Variants in TOP2B observed in about 807,000 individuals in gnomAD.
TOP2B encodes the protein DNA topoisomerase II beta.
A neutral mutation model predicts 193.5 loss-of-function variants in TOP2B; 51 were observed. That is an observed-to-expected ratio of 0.26 (90% CI 0.21 to 0.33). The LOEUF (loss-of-function observed/expected upper bound fraction) is 0.33. Ranked by LOEUF, TOP2B falls within the 10% of genes least tolerant of loss-of-function variation. TOP2B has a pLI of 1.00. For missense variants in TOP2B, 1,378 were observed against 1,909.3 expected, an observed-to-expected ratio of 0.72 and a Z score of 5.19; for synonymous variants, 634 against 635.7, an observed-to-expected ratio of 1.00 and a Z score of 0.04.
At position 25,606,072 on chromosome 3, in the gene TOP2B, A is replaced by G; in HGVS notation, c.4349T>C (p.Phe1450Ser). 1 of 1,507,554 alleles carries G rather than the reference A, an allele frequency of 6.6e-7. No homozygotes were observed. Among genetic ancestry groups the G allele is most frequent in the South Asian group, 1.3e-5 (1 of 76,636 alleles). The allele number at this position is 1,507,554 out of a possible 1,614,324, so 93.4% of individuals were successfully genotyped here. A position where few individuals can be genotyped will look rare whatever the true frequency, so the allele number is the denominator to read the frequency against. Residue 1450 changes from phenylalanine to serine, a missense_variant, in exon 32 of 36, where the codon TTT (phenylalanine) becomes TCT (serine). This residue lies in a region of TOP2B where 556 missense variants were observed against 584.2 expected (regional missense o/e 0.95). Coordinates refer to ENST00000264331, the MANE Select transcript of TOP2B (RefSeq NM_001330700.2). ...KSQDFGNLFS[F>S]PSYSQKSEDD... The stretch of plus-strand genomic sequence containing the variant: ...TTCTGACTTCTGAGAATATGAAGGA[A>G]ATGAGAAGAGATTTCCAAAATCCTG...
chr3:25,623,113 T>C (rs925876518), intron 21 of TOP2B, among the ~76,000 whole-genome samples: 4 of 152,200 alleles, frequency 2.6e-5, no homozygotes, highest in Admixed American at 6.5e-5. Flanking sequence ...AGGTAGTTTG[T>C]TTTCTGTCTT....
At chr3:25,648,768 G>T (rs963007341) in intron 1 of TOP2B, among the ~76,000 whole-genome samples, 2 of 152,130 alleles carry the variant, frequency 1.3e-5, no homozygotes, top group Admixed American at 1.3e-4. Flanking sequence ...AGGCTGAGAC[G>T]GGAGGATTGC....
intron 12 of TOP2B, 32 bp from the exon 13 acceptor site, chr3:25,630,186 T>C (rs751362553): frequency 7.2e-6 from 11 of 1,530,172 alleles, no homozygotes; most frequent in African/African-American, 1.4e-5. Context: ...TGAGAGTAGT[T>C]TGAAGTGTTG....
chr3:25,638,178 C>CTCA lies in TOP2B; in HGVS notation c.525_527dup (p.Asp175dup), dbSNP rs1559503948. 1 of 1,567,396 alleles carries CTCA rather than the reference C, an allele frequency of 6.4e-7. No homozygotes were observed. The highest frequency in any genetic ancestry group is 1.4e-5 in the African/African-American group (1 of 73,730). On this transcript the variant is annotated inframe_insertion, in exon 5 of 36. Transcript: ENST00000264331. The stretch of plus-strand genomic sequence containing the variant: ...TTCAGACTTTACCTGTAACTTTTTT[C>CTCA]TCATCATCATCATAGTTACTGGATG...
intron 1 of TOP2B, among the ~76,000 whole-genome samples, chr3:25,660,711 G>A (rs1703884783): frequency 2.0e-5 from 3 of 152,090 alleles, no homozygotes; most frequent in East Asian, 1.9e-4. Context: ...ATTTAGACTC[G>A]CAACAGTAAA....
In TOP2B at chr3:25,650,061, T is replaced by C. The variant is rs111817675; in HGVS notation, c.70-4591A>G. Among the ~76,000 whole-genome samples the C allele has an allele frequency of 4.5e-3, 681 of 152,192 alleles. 4 individuals are homozygous for C. Among genetic ancestry groups the C allele is most frequent in the African/African-American group, 0.016 (649 of 41,534 alleles). On this transcript the variant is annotated intron_variant, in intron 1 of 35. Transcript: ENST00000264331. ...TAGGTGCCTTTTAAAGATTTAAGAT[T>C]AGTAAACAAAAAAAGTCAGAAGGAG... is the stretch of plus-strand genomic sequence containing the variant.
chr3:25,664,818 A>T lies in TOP2B; in HGVS notation c.-521T>A. 1.1e-6 allele frequency: 1 copy of T among 928,658 alleles called. No homozygotes were observed. The highest frequency in any genetic ancestry group is 4.9e-5 in the South Asian group (1 of 20,572). 57.5% of individuals were successfully genotyped at this position (928,658 alleles called of 1,614,324 possible). A position where few individuals can be genotyped will look rare whatever the true frequency, so the allele number is the denominator to read the frequency against. On this transcript the variant is annotated 5_prime_UTR_variant, in exon 1 of 36. The change abolishes the stop of an existing upstream ORF in the 5' untranslated region. Coordinates refer to ENST00000264331, the MANE Select transcript of TOP2B (RefSeq NM_001330700.2). The stretch of plus-strand genomic sequence containing the variant: ...GCCTCGCTGCAGCCCCGATTTCCTC[A>T]CACACACACACCGAGAGGGACAATA...
chr3:25,656,515 G>A (rs1008785606), intron 1 of TOP2B, among the ~76,000 whole-genome samples: 5 of 152,034 alleles, frequency 3.3e-5, no homozygotes, highest in African/African-American at 1.2e-4. Context: ...GTTTCAATGA[G>A]TAAATAAGTC....
At chr3:25,640,752 CTTTTTTTTTT>C (rs372465937) in intron 4 of TOP2B, among the ~76,000 whole-genome samples, 3 of 106,994 alleles carry the variant, frequency 2.8e-5, no homozygotes, top group Non-Finnish European at 5.8e-5. Context: ...TCTTCGTTGT[CTTTTTTTTTT>C]TTTTTTTTTT....
chr3:25,649,122 G>C (rs1703506994), intron 1 of TOP2B, among the ~76,000 whole-genome samples: 1 of 152,210 alleles, frequency 6.6e-6, no homozygotes, highest in South Asian at 2.1e-4. Context: ...GGATGTAACA[G>C]TAGACTTGAG....
At chr3:25,626,124 A>T (rs1702795952) in intron 18 of TOP2B, among the ~76,000 whole-genome samples, 1 of 152,148 alleles carries the variant, frequency 6.6e-6, no homozygotes, top group Admixed American at 6.5e-5. Context: ...TAGTTTCTAA[A>T]TTTTTTTCAA....
intron 7 of TOP2B, among the ~76,000 whole-genome samples, chr3:25,634,330 GA>G (rs1485085395): frequency 6.6e-6 from 1 of 151,926 alleles, no homozygotes; most frequent in African/African-American, 2.4e-5. Flanking sequence ...GAACTAGCAG[GA>G]AAAAAAGCTT....
intron 33 of TOP2B, among the ~76,000 whole-genome samples, chr3:25,601,442 A>C (rs527657653): frequency 6.6e-6 from 1 of 152,226 alleles, no homozygotes; most frequent in South Asian, 2.1e-4. Context: ...AATACGGTAA[A>C]ACCCCATCTC....
chr3:25,657,004 A>G (rs887676290), intron 1 of TOP2B, among the ~76,000 whole-genome samples: 1 of 152,224 alleles, frequency 6.6e-6, no homozygotes, highest in African/African-American at 2.4e-5. Context: ...CAAAATCAAA[A>G]TACACAAATA....
intron 1 of TOP2B, 58 bp downstream of exon 1, chr3:25,664,171 C>A: frequency 6.5e-7 from 1 of 1,534,712 alleles, no homozygotes; most frequent in Non-Finnish European, 8.7e-7. Flanking sequence ...TTCGGAATTC[C>A]GCCCCCGCCG....
At chr3:25,659,541 C>G (rs1208590610) in intron 1 of TOP2B, among the ~76,000 whole-genome samples, 2 of 152,042 alleles carry the variant, frequency 1.3e-5, no homozygotes, top group Non-Finnish European at 2.9e-5. Flanking sequence ...GTTATAATTC[C>G]CTTTGTACAG....
At chr3:25,654,433 G>T (rs1056359019) in intron 1 of TOP2B, among the ~76,000 whole-genome samples, 2 of 151,984 alleles carry the variant, frequency 1.3e-5, no homozygotes, top group Non-Finnish European at 2.9e-5. Flanking sequence ...ATGAAAAAAA[G>T]ATACCAATAA....
In TOP2B at chr3:25,604,758, A is replaced by AC; in HGVS notation, c.4489+1dup. 1 of 1,603,024 alleles carries AC rather than the reference A, an allele frequency of 6.2e-7. No homozygotes were observed. Among genetic ancestry groups the AC allele is most frequent in the South Asian group, 1.1e-5 (1 of 90,756 alleles). The stretch of plus-strand genomic sequence containing the variant: ...TTAACTCAATCAAATATAAGTACAT[A>AC]CCCTTTTTAGCAGCTACCGTTTTAC... On this transcript the variant is annotated splice_donor_variant, in intron 33 of 35. Coordinates refer to ENST00000264331, the MANE Select transcript of TOP2B (RefSeq NM_001330700.2). LOFTEE classifies it high-confidence loss of function.
At chr3:25,664,203 G>T (rs1559513799) in intron 1 of TOP2B, 26 bp downstream of exon 1, 1 of 1,527,630 alleles carries the variant, frequency 6.5e-7, no homozygotes. Flanking sequence ...CAATGCAGCC[G>T]CCCGTCCCGG....
Sources: allele counts gnomAD v4.1 joint callset (sites outside exome capture counted in the v4.1 genomes callset), GRCh38; gene constraint gnomAD v4.1.1; regional missense constraint gnomAD v4.1.1; transcripts MANE v1.5; gene names NCBI Gene and HGNC (gene_info 2026-07-23, HGNC 2026-07-21).